Variants in SGCZ observed in about 807,000 individuals in gnomAD.
The protein encoded by SGCZ is zeta-sarcoglycan.
A neutral mutation model predicts 41.3 loss-of-function variants in SGCZ; 40 were observed. The ratio of observed to expected loss-of-function variants is 0.97; its 90% CI spans 0.75 to 1.26. The LOEUF (loss-of-function observed/expected upper bound fraction) is 1.26. Among genes scored for constraint, SGCZ ranks in the 50% most tolerant of loss-of-function variants. The pLI is 0.00. For synonymous variants in SGCZ, 206 were observed against 137.5 expected, an observed-to-expected ratio of 1.50 and a Z score of -3.49; for missense variants, 552 against 369.8, an observed-to-expected ratio of 1.49 and a Z score of -4.04.
At chr8:15,045,307 T>G (rs746834696) in intron 1 of SGCZ, among the ~76,000 whole-genome samples, 3 of 152,092 alleles carry the variant, frequency 2.0e-5, no homozygotes, top group Non-Finnish European at 4.4e-5. Context: ...TAGCTGGGCC[T>G]TAAATGATAG....
At chr8:14,638,351 T>C (rs1806905110) in intron 1 of SGCZ, among the ~76,000 whole-genome samples, 1 of 151,830 alleles carries the variant, frequency 6.6e-6, no homozygotes, top group Non-Finnish European at 1.5e-5. Context: ...TCTCTGCCCC[T>C]ACCTGAGTTT....
chr8:14,393,536 A>T (rs932886213), intron 2 of SGCZ, among the ~76,000 whole-genome samples: 2 of 152,198 alleles, frequency 1.3e-5, no homozygotes, highest in Non-Finnish European at 2.9e-5. Context: ...CCAACCTGTG[A>T]GCCCTATGTA....
At chr8:14,931,568 T>C (rs1424928133) in intron 1 of SGCZ, among the ~76,000 whole-genome samples, 2 of 151,976 alleles carry the variant, frequency 1.3e-5, no homozygotes, top group African/African-American at 4.8e-5. Flanking sequence ...GGCTTTTGTT[T>C]GCAAAAAATC....
chr8:14,671,650 C>T (rs1808105896), intron 1 of SGCZ, among the ~76,000 whole-genome samples: 1 of 151,988 alleles, frequency 6.6e-6, no homozygotes, highest in Non-Finnish European at 1.5e-5. Flanking sequence ...AGAAACTAAG[C>T]CTGAGACATT....
chr8:15,068,143 A>C (rs930244773), intron 1 of SGCZ, among the ~76,000 whole-genome samples: 2 of 152,180 alleles, frequency 1.3e-5, no homozygotes, highest in Non-Finnish European at 2.9e-5. Flanking sequence ...CTTATAAGGA[A>C]AGTTGGATTT....
intron 1 of SGCZ, among the ~76,000 whole-genome samples, chr8:14,809,878 G>A (rs1395111033): frequency 6.6e-6 from 1 of 152,044 alleles, no homozygotes; most frequent in Admixed American, 6.6e-5. Flanking sequence ...GTTTTGATTA[G>A]TTAAAAGGCT....
intron 1 of SGCZ, among the ~76,000 whole-genome samples, chr8:14,648,963 C>T (rs993290249): frequency 6.6e-6 from 1 of 151,938 alleles, no homozygotes. Context: ...TCTTCTATCT[C>T]CTCCCTCATT....
intron 1 of SGCZ, among the ~76,000 whole-genome samples, chr8:15,088,843 T>C (rs1430081022): frequency 2.0e-5 from 3 of 152,176 alleles, no homozygotes; most frequent in Non-Finnish European, 2.9e-5. Flanking sequence ...ACATGGCCTT[T>C]GCACCACAAT....
At chr8:14,973,049 C>A (rs1004460074) in intron 1 of SGCZ, among the ~76,000 whole-genome samples, 13 of 152,126 alleles carry the variant, frequency 8.5e-5, no homozygotes, top group African/African-American at 2.9e-4. Context: ...TTACTGTGTG[C>A]TGGATATTTG....
At chr8:14,607,483 A>C (rs1412252527) in intron 1 of SGCZ, among the ~76,000 whole-genome samples, 1 of 152,188 alleles carries the variant, frequency 6.6e-6, no homozygotes, top group Non-Finnish European at 1.5e-5. Context: ...CTATTTTCAA[A>C]CAGACATCAT....
At chr8:14,271,933 G>C (rs1434519823) in intron 3 of SGCZ, among the ~76,000 whole-genome samples, 2 of 152,180 alleles carry the variant, frequency 1.3e-5, no homozygotes, top group Admixed American at 6.5e-5. Context: ...TAAATATGGT[G>C]ATGACCTAAT....
intron 2 of SGCZ, among the ~76,000 whole-genome samples, chr8:14,516,847 C>T (rs1243720483): frequency 3.9e-5 from 6 of 151,950 alleles, no homozygotes; most frequent in African/African-American, 1.4e-4. Context: ...ATTGAGGGAA[C>T]TTTTTGTTGA....
intron 1 of SGCZ, among the ~76,000 whole-genome samples, chr8:15,220,531 A>G (rs767048251): frequency 6.6e-6 from 1 of 152,166 alleles, no homozygotes; most frequent in Non-Finnish European, 1.5e-5. Flanking sequence ...TTTCAGGACG[A>G]TTTAGACTCA....
chr8:14,617,657 A>C (rs1248455877), intron 1 of SGCZ, among the ~76,000 whole-genome samples: 2 of 152,142 alleles, frequency 1.3e-5, no homozygotes, highest in Non-Finnish European at 2.9e-5. Flanking sequence ...GAAAATGTCC[A>C]GTTAGGGCAA....
chr8:14,358,954 T>C (rs1424173207), intron 2 of SGCZ, among the ~76,000 whole-genome samples: 5 of 152,186 alleles, frequency 3.3e-5, no homozygotes, highest in African/African-American at 4.8e-5. Flanking sequence ...TATTTTTATA[T>C]AGTAACCAAC....
chr8:14,316,599 A>G (rs1330007512), intron 3 of SGCZ, among the ~76,000 whole-genome samples: 1 of 151,840 alleles, frequency 6.6e-6, no homozygotes, highest in Non-Finnish European at 1.5e-5. Flanking sequence ...TCAACCCGGA[A>G]ACACTTTCAC....
At chr8:14,426,216 A>G (rs571429261) in intron 2 of SGCZ, among the ~76,000 whole-genome samples, 1 of 152,254 alleles carries the variant, frequency 6.6e-6, no homozygotes. Context: ...GAGACATACT[A>G]TACAAGTCTA....
intron 1 of SGCZ, among the ~76,000 whole-genome samples, chr8:14,784,318 C>A (rs1190778138): frequency 6.6e-6 from 1 of 151,992 alleles, no homozygotes; most frequent in Admixed American, 6.6e-5. Context: ...TCCCAAATTT[C>A]TGGGATTACA....
intron 1 of SGCZ, among the ~76,000 whole-genome samples, chr8:14,674,755 C>A (rs907935063): frequency 1.3e-5 from 2 of 151,458 alleles, no homozygotes; most frequent in South Asian, 2.1e-4. Context: ...GAGATCTGAT[C>A]ATTTAAAAGT....
Sources: gnomAD v4.1 joint callset for allele counts (sites outside exome capture counted in the v4.1 genomes callset) on GRCh38, gnomAD v4.1.1 for gene constraint, MANE v1.5 for transcripts, NCBI Gene and HGNC (gene_info 2026-07-23, HGNC 2026-07-21) for gene names.